MME: variants seen among roughly 807,000 people sequenced by gnomAD.
The protein encoded by MME is neprilysin.
MME carries 98 observed loss-of-function variants against 113.2 expected under a neutral mutation model. The ratio of observed to expected loss-of-function variants is 0.87; its 90% CI spans 0.74 to 1.02. MME has a LOEUF of 1.02. Among genes scored for constraint, MME ranks in the 50% least tolerant of loss-of-function variants. The pLI is 0.00. For synonymous variants in MME, 292 were observed against 300.6 expected (o/e 0.97, Z 0.30); for missense variants, 836 against 896.0 (o/e 0.93, Z 0.86).
intron 1 of MME, among the ~76,000 whole-genome samples, chr3:155,035,157 G>A (rs1047165076): frequency 2.0e-5 from 3 of 151,592 alleles, no homozygotes; most frequent in Admixed American, 2.0e-4. Flanking sequence ...GTGTGTGTGT[G>A]TTTTCCATGT....
intron 22 of MME, among the ~76,000 whole-genome samples, chr3:155,174,766 G>A (rs1712357825): frequency 6.6e-6 from 1 of 151,918 alleles, no homozygotes; most frequent in South Asian, 2.1e-4. Flanking sequence ...CTTTATTTAT[G>A]TACTTTAAAA....
chr3:155,118,052 G>A (rs958778574), intron 7 of MME, among the ~76,000 whole-genome samples: 2 of 152,222 alleles, frequency 1.3e-5, no homozygotes, highest in Admixed American at 6.5e-5. Flanking sequence ...GACCAGACAC[G>A]TTAGCGCAAA....
intron 1 of MME, among the ~76,000 whole-genome samples, chr3:155,061,979 T>C (rs1576677016): frequency 6.6e-6 from 1 of 152,174 alleles, no homozygotes; most frequent in African/African-American, 2.4e-5. Context: ...ACTCTGTATG[T>C]TCTTTTACAT....
chr3:155,101,945 T>C (rs149641592), intron 3 of MME, among the ~76,000 whole-genome samples: 23 of 152,338 alleles, frequency 1.5e-4, no homozygotes. Flanking sequence ...ACTGATTTTG[T>C]ATGCCAACAC....
chr3:155,092,248 A>T (rs1157690926), intron 3 of MME, among the ~76,000 whole-genome samples: 2 of 152,218 alleles, frequency 1.3e-5, no homozygotes, highest in Non-Finnish European at 2.9e-5. Flanking sequence ...ATAATGCTTT[A>T]TCAGCTATCT....
chr3:155,059,509 A>G (rs1317630363), intron 1 of MME, among the ~76,000 whole-genome samples: 5 of 152,158 alleles, frequency 3.3e-5, no homozygotes, highest in Non-Finnish European at 7.4e-5. Flanking sequence ...CTTCTCCAGG[A>G]TTCCACAATT....
At chr3:155,124,435 C>A (rs1227925292) in intron 8 of MME, among the ~76,000 whole-genome samples, 4 of 151,924 alleles carry the variant, frequency 2.6e-5, no homozygotes, top group Non-Finnish European at 4.4e-5. Flanking sequence ...AGTCATTCTC[C>A]ATCCAGCTTT....
At chr3:155,101,817 G>A (rs575892513) in intron 3 of MME, among the ~76,000 whole-genome samples, 2 of 152,178 alleles carry the variant, frequency 1.3e-5, no homozygotes, top group African/African-American at 2.4e-5. Flanking sequence ...TAACTAAACC[G>A]GGATTCAGTC....
intron 1 of MME, among the ~76,000 whole-genome samples, chr3:155,045,104 G>A (rs1357804834): frequency 1.3e-5 from 2 of 151,406 alleles, no homozygotes; most frequent in African/African-American, 4.9e-5. Flanking sequence ...TCAGAAAGTA[G>A]TCCTTCTATC....
At chr3:155,095,839 A>G (rs1716689283) in intron 3 of MME, among the ~76,000 whole-genome samples, 1 of 152,214 alleles carries the variant, frequency 6.6e-6, no homozygotes, top group Admixed American at 6.5e-5. Flanking sequence ...GATAAGTGCT[A>G]TGATGGTGAT....
In MME at chr3:155,100,995, G is replaced by A. The variant is rs547832138; in HGVS notation, c.197-13999G>A. Among the ~76,000 whole-genome samples, 14 of 152,296 alleles carry A rather than the reference G, an allele frequency of 9.2e-5. No homozygotes were observed. In the South Asian group the frequency reaches 1.0e-3, roughly 11 times the overall value. On this transcript the variant is annotated intron_variant, in intron 3 of 22. Transcript: ENST00000360490. The stretch of plus-strand genomic sequence containing the variant: ...CCTGGTGGGAGGTATTTGGATCATG[G>A]GGGCAGATCCCTAATGACTTGGCCC...
At chr3:155,075,806 C>T (rs936038093), upstream of MME, among the ~76,000 whole-genome samples, 4 of 152,156 alleles carry the variant, frequency 2.6e-5, no homozygotes, top group African/African-American at 9.7e-5. Flanking sequence ...CAGGTGCACA[C>T]CACCAGGCCT....
intron 16 of MME, among the ~76,000 whole-genome samples, chr3:155,156,554 G>A (rs1270648865): frequency 5.9e-5 from 9 of 152,112 alleles, no homozygotes; most frequent in Non-Finnish European, 1.2e-4. Context: ...GGTGTATTAG[G>A]AAAGAGATTA....
chr3:155,089,848 G>A (rs749499853), intron 3 of MME: 14 of 452,852 alleles, frequency 3.1e-5, no homozygotes, highest in South Asian at 1.2e-4. Context: ...GGTAGCACGC[G>A]CCTATAATCC....
chr3:155,057,488 C>A (rs987425456), intron 1 of MME, among the ~76,000 whole-genome samples: 1 of 151,958 alleles, frequency 6.6e-6, no homozygotes, highest in Non-Finnish European at 1.5e-5. Flanking sequence ...ATCCTTTATA[C>A]TAGATCTCTA....
chr3:155,064,191 A>T (rs1475468412), intron 1 of MME, among the ~76,000 whole-genome samples: 1 of 151,984 alleles, frequency 6.6e-6, no homozygotes, highest in Non-Finnish European at 1.5e-5. Flanking sequence ...CGGGAGGCTG[A>T]GACAGGAGAA....
At chr3:155,077,722 C>T (rs529361310), upstream of MME, among the ~76,000 whole-genome samples, 255 of 149,846 alleles carry the variant, frequency 1.7e-3, 1 homozygote, top group Non-Finnish European at 2.8e-3. Flanking sequence ...CAAAAAAAAA[C>T]GAACAACAGC....
chr3:155,057,987 A>G (rs544216540), intron 1 of MME, among the ~76,000 whole-genome samples: 120 of 152,262 alleles, frequency 7.9e-4, no homozygotes, highest in African/African-American at 2.8e-3. Context: ...AGAAAGGTCT[A>G]TCATACAACT....
intron 1 of MME, among the ~76,000 whole-genome samples, chr3:155,034,224 G>A (rs1307671548): frequency 1.3e-5 from 2 of 152,166 alleles, no homozygotes; most frequent in African/African-American, 2.4e-5. Flanking sequence ...AGTTCACAAA[G>A]AGGATTTGGG....
Sources: gnomAD v4.1 joint callset for allele counts (sites outside exome capture counted in the v4.1 genomes callset) on GRCh38, gnomAD v4.1.1 for gene constraint, MANE v1.5 for transcripts, NCBI Gene and HGNC (gene_info 2026-07-23, HGNC 2026-07-21) for gene names.